Variants in ASTN1 observed in about 807,000 individuals in gnomAD.
ASTN1 encodes astrotactin-1.
Under a neutral mutation model 140.7 loss-of-function variants are expected in ASTN1, and 41 were observed. The observed-to-expected ratio is 0.29, with a 90% CI of 0.23 to 0.38. The LOEUF (loss-of-function observed/expected upper bound fraction) is 0.38, where lower values mean the gene tolerates loss of function less well. Ranked by LOEUF, ASTN1 falls within the 10% of genes least tolerant of loss-of-function variation. The pLI is 1.00. For synonymous variants in ASTN1, 640 were observed against 652.2 expected (o/e 0.98, Z 0.29); for missense variants, 1,479 against 1,678.8 (o/e 0.88, Z 2.08).
chr1:176,948,487 C>G (rs1040256063), intron 12 of ASTN1, among the ~76,000 whole-genome samples: 1 of 152,308 alleles, frequency 6.6e-6, no homozygotes, highest in African/African-American at 2.4e-5. Context: ...GGGCCTGAAT[C>G]CAGTCGTAAT....
At chr1:176,999,607 A>G (rs1166528792) in intron 8 of ASTN1, among the ~76,000 whole-genome samples, 1 of 152,176 alleles carries the variant, frequency 6.6e-6, no homozygotes, top group African/African-American at 2.4e-5. Context: ...TTTCTTTAAC[A>G]ATTTTGTCAG....
At chr1:176,910,935 G>A (rs146344710) in intron 16 of ASTN1, among the ~76,000 whole-genome samples, 166 of 152,304 alleles carry the variant, frequency 1.1e-3, no homozygotes, top group African/African-American at 3.8e-3. Context: ...TAAATGTAAT[G>A]CTCTTGAATC....
Position 176,863,257 on chromosome 1 carries a change from G to C in ASTN1, c.*1027C>G. On this transcript the variant is annotated 3_prime_UTR_variant, in exon 23 of 23. Coordinates refer to ENST00000361833, the MANE Select transcript of ASTN1 (RefSeq NM_004319.3). The stretch of plus-strand genomic sequence containing the variant: ...AAATTTAGCAAGGTGGGGATGAACA[G>C]AAGTTTTTTGTGATCAATAATAGCT... 1 of 985,880 alleles carries C rather than the reference G, an allele frequency of 1.0e-6. No individual in the cohort carries two copies. The highest frequency in any genetic ancestry group is 1.2e-6 in the Non-Finnish European group (1 of 829,936). The allele number at this position is 985,880 out of a possible 1,614,324, so 61.1% of individuals were successfully genotyped here.
In ASTN1 at chr1:177,061,513, G is replaced by A. The variant is rs1008717733; in HGVS notation, c.284-248C>T. ...CTAGTGAACCAGGCTCTCACCCATC[G>A]AAAAAAATATCAAGGTGAAAATTCA... On this transcript the variant is annotated intron_variant, in intron 1 of 22. Transcript: ENST00000361833. 4.6e-5 allele frequency among the ~76,000 whole-genome samples: 7 copies of A among 151,956 alleles called. No individual in the cohort carries two copies. In the East Asian group the frequency reaches 5.8e-4, roughly 13 times the overall value.
intron 8 of ASTN1, among the ~76,000 whole-genome samples, chr1:176,974,547 G>T (rs772774895): frequency 6.6e-6 from 1 of 151,838 alleles, no homozygotes. Flanking sequence ...CACCAGGCCC[G>T]GCTAATTTTT....
At chr1:177,065,034 C>T (rs1458601920) in intron 1 of ASTN1, among the ~76,000 whole-genome samples, 2 of 152,212 alleles carry the variant, frequency 1.3e-5, no homozygotes, top group African/African-American at 4.8e-5. Context: ...CCAATGCAAG[C>T]CTGCCATGAG....
intron 1 of ASTN1, among the ~76,000 whole-genome samples, chr1:177,098,166 T>C (rs938068486): frequency 1.3e-5 from 2 of 152,136 alleles, no homozygotes; most frequent in African/African-American, 4.8e-5. Context: ...GGACTTGCCA[T>C]TGGCGTCTGA....
downstream of ASTN1, chr1:176,857,514 C>T (rs1348533612): frequency 1.8e-5 from 8 of 439,586 alleles, no homozygotes; most frequent in East Asian, 1.4e-4. Context: ...GAAGGTCACA[C>T]GGAGGAGACA....
intron 20 of ASTN1, among the ~76,000 whole-genome samples, chr1:176,879,750 T>C (rs1198500039): frequency 6.6e-6 from 1 of 152,146 alleles, no homozygotes; most frequent in Admixed American, 6.5e-5. Context: ...CTTTTAGTAG[T>C]GTATTTTATT....
intron 1 of ASTN1, among the ~76,000 whole-genome samples, chr1:177,075,647 T>TTTC (rs766809731): frequency 3.1e-4 from 8 of 26,024 alleles, no homozygotes; most frequent in Admixed American, 1.8e-3. Flanking sequence ...TTTCTTTTCT[T>TTTC]TTTTTTTTTT....
At chr1:177,038,965 C>CA (rs1246869520) in intron 2 of ASTN1, among the ~76,000 whole-genome samples, 5 of 152,150 alleles carry the variant, frequency 3.3e-5, no homozygotes, top group Non-Finnish European at 7.3e-5. Context: ...CCCCATGGAC[C>CA]AGTGGAATCC....
chr1:176,877,029 G>A (rs1473887172), intron 20 of ASTN1, among the ~76,000 whole-genome samples: 1 of 152,136 alleles, frequency 6.6e-6, no homozygotes, highest in African/African-American at 2.4e-5. Flanking sequence ...GCTTTCCCGG[G>A]TGTTCCAGGT....
At chr1:177,093,630 G>A (rs772715044) in intron 1 of ASTN1, among the ~76,000 whole-genome samples, 17 of 152,040 alleles carry the variant, frequency 1.1e-4, no homozygotes, top group Non-Finnish European at 1.9e-4. Flanking sequence ...ACAAAATCAG[G>A]AAAAAAGATC....
intron 1 of ASTN1, among the ~76,000 whole-genome samples, chr1:177,070,146 G>C (rs1678566585): frequency 1.3e-5 from 2 of 152,158 alleles, no homozygotes; most frequent in Non-Finnish European, 2.9e-5. Context: ...CTGGAATTCT[G>C]ATTTGAGCTT....
At chr1:177,153,219 A>G (rs1411312923) in intron 1 of ASTN1, among the ~76,000 whole-genome samples, 1 of 152,136 alleles carries the variant, frequency 6.6e-6, no homozygotes, top group Non-Finnish European at 1.5e-5. Flanking sequence ...TTGTTAAGAA[A>G]AAAACAAATC....
At chr1:177,002,643 T>G (rs1008070039) in intron 8 of ASTN1, among the ~76,000 whole-genome samples, 1 of 152,190 alleles carries the variant, frequency 6.6e-6, no homozygotes, top group Non-Finnish European at 1.5e-5. Context: ...TGGCAAAATG[T>G]TTGCTCTTAA....
rs1669110263 is a variant in ASTN1, at chr1:176,888,060, G to C, written c.3074+11C>G. Reference sequence around the variant, plus strand: ...CCAGAGTAATGCTGAAAGAGAGAAAGAGAACCATACACAGGCTGTGGGAGA... The same window carrying C: ...CCAGAGTAATGCTGAAAGAGAGAAACAGAACCATACACAGGCTGTGGGAGA... On this transcript the variant is annotated intron_variant, in intron 18 of 22. Transcript: ENST00000361833. 1.9e-6 allele frequency: 3 copies of C among 1,613,996 alleles called. No homozygotes were observed. Among genetic ancestry groups the C allele is most frequent in the Non-Finnish European group, 2.5e-6 (3 of 1,179,998 alleles).
intron 8 of ASTN1, among the ~76,000 whole-genome samples, chr1:177,001,441 C>A (rs1437233541): frequency 1.3e-5 from 2 of 152,206 alleles, no homozygotes; most frequent in African/African-American, 4.8e-5. Flanking sequence ...TTATTGAGCA[C>A]AACTCATCTC....
intron 14 of ASTN1, among the ~76,000 whole-genome samples, chr1:176,938,564 T>A (rs1052549905): frequency 6.6e-6 from 1 of 152,202 alleles, no homozygotes. Flanking sequence ...AACTTCTTGT[T>A]CTCGCAACCT....
Sources: allele counts gnomAD v4.1 joint callset (sites outside exome capture counted in the v4.1 genomes callset), GRCh38; gene constraint gnomAD v4.1.1; transcripts MANE v1.5; gene names NCBI Gene and HGNC (gene_info 2026-07-23, HGNC 2026-07-21).